Variants in COX7B2 observed in about 807,000 individuals in gnomAD.
COX7B2 encodes cytochrome c oxidase subunit 7B2, mitochondrial.
For synonymous variants in COX7B2, 37 were observed against 32.1 expected (o/e 1.15, Z -0.51); for missense variants, 109 against 95.9 (o/e 1.14, Z -0.57).
At chr4:46,881,387 C>A (rs1040298260) in intron 1 of COX7B2, among the ~76,000 whole-genome samples, 6 of 152,294 alleles carry the variant, frequency 3.9e-5, no homozygotes, top group South Asian at 2.1e-4. Context: ...TGGTTACATT[C>A]TTTTGAGTTT....
At chr4:46,735,621 C>T (rs1167137130) in intron 2 of COX7B2, among the ~76,000 whole-genome samples, 1 of 152,106 alleles carries the variant, frequency 6.6e-6, no homozygotes, top group Non-Finnish European at 1.5e-5. Flanking sequence ...TCCTCCTCCT[C>T]GTTTTCTCCC....
At chr4:46,867,542 A>T (rs146436721) in intron 1 of COX7B2, among the ~76,000 whole-genome samples, 415 of 152,308 alleles carry the variant, frequency 2.7e-3, no homozygotes, top group African/African-American at 9.6e-3. Context: ...GAATAGCCCA[A>T]CCCTTAATTT....
intron 1 of COX7B2, among the ~76,000 whole-genome samples, chr4:46,897,065 A>G (rs1416809753): frequency 2.0e-5 from 3 of 152,224 alleles, no homozygotes; most frequent in African/African-American, 7.2e-5. Context: ...TATACCCATT[A>G]AAATGACAAT....
intron 2 of COX7B2, among the ~76,000 whole-genome samples, chr4:46,840,698 T>G (rs1715872876): frequency 6.6e-6 from 1 of 152,016 alleles, no homozygotes; most frequent in Admixed American, 6.6e-5. Context: ...TCCTGAACAC[T>G]TTCAATGTAC....
At chr4:46,768,543 C>A (rs1309303535) in intron 2 of COX7B2, among the ~76,000 whole-genome samples, 1 of 152,066 alleles carries the variant, frequency 6.6e-6, no homozygotes, top group Non-Finnish European at 1.5e-5. Context: ...TAGGTCTATG[C>A]TTGAGGGTGG....
At chr4:46,775,932 T>C (rs1331131478) in intron 2 of COX7B2, among the ~76,000 whole-genome samples, 1 of 152,132 alleles carries the variant, frequency 6.6e-6, no homozygotes, top group African/African-American at 2.4e-5. Flanking sequence ...TATTCCCAAG[T>C]TTCTATAAAA....
chr4:46,867,665 TACATGGCCACCTCA>T (rs1717750817), intron 1 of COX7B2, among the ~76,000 whole-genome samples: 1 of 152,246 alleles, frequency 6.6e-6, no homozygotes, highest in Admixed American at 6.5e-5. Flanking sequence ...CACTCTGCCA[TACATGGCCACCTCA>T]ATAAACCTGC....
chr4:46,767,399 C>A (rs902636591), intron 2 of COX7B2, among the ~76,000 whole-genome samples: 1 of 152,084 alleles, frequency 6.6e-6, no homozygotes, highest in Non-Finnish European at 1.5e-5. Context: ...ATAGACAATA[C>A]AATAACAGTA....
At chr4:46,819,373 C>G (rs1009557712) in intron 2 of COX7B2, among the ~76,000 whole-genome samples, 8 of 152,178 alleles carry the variant, frequency 5.3e-5, no homozygotes, top group Non-Finnish European at 1.5e-5. Flanking sequence ...AGGAAGCTTT[C>G]AGTTCAGAGG....
chr4:46,809,491 G>C (rs1445400957), intron 2 of COX7B2, among the ~76,000 whole-genome samples: 1 of 151,662 alleles, frequency 6.6e-6, no homozygotes, highest in Non-Finnish European at 1.5e-5. Context: ...TTTGTCTCAA[G>C]ATATTTTTTT....
chr4:46,775,347 T>A (rs996779939), intron 2 of COX7B2, among the ~76,000 whole-genome samples: 4 of 152,106 alleles, frequency 2.6e-5, no homozygotes. Flanking sequence ...TCTATTCAGT[T>A]TGGTGTTGTA....
chr4:46,751,909 T>C (rs1253939693), intron 2 of COX7B2, among the ~76,000 whole-genome samples: 1 of 152,000 alleles, frequency 6.6e-6, no homozygotes, highest in East Asian at 1.9e-4. Flanking sequence ...GGGCTCTTTT[T>C]TGCTTCCATA....
chr4:46,756,879 A>T (rs568507715), intron 2 of COX7B2, among the ~76,000 whole-genome samples: 4 of 152,120 alleles, frequency 2.6e-5, no homozygotes, highest in Non-Finnish European at 5.9e-5. Flanking sequence ...CAAACTAGGT[A>T]TTTCTCAATG....
chr4:46,786,727 C>T (rs568584631), intron 2 of COX7B2, among the ~76,000 whole-genome samples: 17 of 152,052 alleles, frequency 1.1e-4, no homozygotes, highest in Admixed American at 4.6e-4. Context: ...AAATCACTGA[C>T]GAGATTATGT....
intron 2 of COX7B2, among the ~76,000 whole-genome samples, chr4:46,840,571 G>A (rs965465627): frequency 1.3e-5 from 2 of 151,980 alleles, no homozygotes; most frequent in Non-Finnish European, 1.5e-5. Context: ...GCTGATAGTA[G>A]GCATTTGATC....
chr4:46,862,883 G>A (rs1560425535), intron 1 of COX7B2, among the ~76,000 whole-genome samples: 1 of 152,244 alleles, frequency 6.6e-6, no homozygotes, highest in East Asian at 1.9e-4. Flanking sequence ...TGAACTTTTT[G>A]TATAGCTTAA....
At chr4:46,855,423 A>G (rs1716948831) in intron 1 of COX7B2, among the ~76,000 whole-genome samples, 1 of 152,074 alleles carries the variant, frequency 6.6e-6, no homozygotes, top group African/African-American at 2.4e-5. Context: ...AAGTATCGAA[A>G]ATAATGATTT....
intron 1 of COX7B2, among the ~76,000 whole-genome samples, chr4:46,880,412 C>CT (rs548281459): frequency 0.1 from 8,635 of 85,652 alleles, 721 homozygotes; most frequent in East Asian, 0.28. Context: ...AGGTCCTGGG[C>CT]TTTTTTTTTT....
At chr4:46,745,634 T>C (rs1029717381) in intron 2 of COX7B2, among the ~76,000 whole-genome samples, 1 of 152,180 alleles carries the variant, frequency 6.6e-6, no homozygotes, top group African/African-American at 2.4e-5. Context: ...TTCCTTCTTG[T>C]AGATGCCTCA....
Sources: gnomAD v4.1 joint callset for allele counts (sites outside exome capture counted in the v4.1 genomes callset) on GRCh38, gnomAD v4.1.1 for gene constraint, MANE v1.5 for transcripts, NCBI Gene and HGNC (gene_info 2026-07-23, HGNC 2026-07-21) for gene names.